The following FGF7 variants were observed in gnomAD, a reference collection of about 807,000 sequenced individuals.
FGF7 encodes FGF-7.
Under a neutral mutation model 20.5 loss-of-function variants are expected in FGF7, and 6 were observed. The ratio of observed to expected loss-of-function variants is 0.29; its 90% CI spans 0.16 to 0.58. FGF7 has a LOEUF of 0.58. FGF7 is among the 20% of genes least tolerant of loss of function. The probability of loss-of-function intolerance (pLI) is 0.90; values close to 1 mark genes in which losing one functional copy is unlikely to be tolerated. For missense variants in FGF7, 144 were observed against 228.8 expected, an observed-to-expected ratio of 0.63 and a Z score of 2.39; for synonymous variants, 64 against 74.7, an observed-to-expected ratio of 0.86 and a Z score of 0.74.
chr15:49,431,228 A>G (rs905954823), intron 2 of FGF7, among the ~76,000 whole-genome samples: 1 of 151,834 alleles, frequency 6.6e-6, no homozygotes, highest in African/African-American at 2.4e-5. Context: ...TAGGTTGTAA[A>G]TGAAAATCCT....
At chr15:49,453,985 T>C (rs1402035060) in intron 2 of FGF7, among the ~76,000 whole-genome samples, 1 of 152,170 alleles carries the variant, frequency 6.6e-6, no homozygotes, top group Non-Finnish European at 1.5e-5. Flanking sequence ...TGATAGAACA[T>C]TTTAATATTC....
chr15:49,451,900 G>A (rs945313430), intron 2 of FGF7, among the ~76,000 whole-genome samples: 1 of 152,086 alleles, frequency 6.6e-6, no homozygotes, highest in Non-Finnish European at 1.5e-5. Flanking sequence ...GGTTCTTCCA[G>A]TAAGTCCAGG....
At chr15:49,462,866 AAAAT>A (rs2053929980) in intron 2 of FGF7, among the ~76,000 whole-genome samples, 1 of 151,568 alleles carries the variant, frequency 6.6e-6, no homozygotes, top group South Asian at 2.1e-4. Flanking sequence ...TATTACATTC[AAAAT>A]AAATAAATAC....
rs59231447 is a variant in FGF7, at chr15:49,446,792, A to C, written c.286+22209A>C. On this transcript the variant is annotated intron_variant, in intron 2 of 3. Coordinates refer to ENST00000267843, the MANE Select transcript of FGF7 (RefSeq NM_002009.4). ...TAAAAAGAGAAGATAGCACAAAACA[A>C]GGATAAATGGGAGAGACAGAATTAA... Among the ~76,000 whole-genome samples, 1,024 of 151,676 alleles carry C rather than the reference A, an allele frequency of 6.8e-3. 12 individuals carry two copies. Among genetic ancestry groups the C allele is most frequent in the African/African-American group, 0.024 (989 of 41,464 alleles).
chr15:49,437,848 A>T (rs2051252085), intron 2 of FGF7, among the ~76,000 whole-genome samples: 1 of 151,662 alleles, frequency 6.6e-6, no homozygotes, highest in Non-Finnish European at 1.5e-5. Context: ...AAGTACTGTG[A>T]AAAAGGTATG....
intron 2 of FGF7, among the ~76,000 whole-genome samples, chr15:49,427,505 G>A (rs1297004302): frequency 6.6e-6 from 1 of 151,852 alleles, no homozygotes; most frequent in East Asian, 1.9e-4. Context: ...ACCTTTCTTT[G>A]GAGGTCTTTT....
intron 2 of FGF7, 166 bp downstream of exon 2, chr15:49,424,749 T>A (rs2049980636): frequency 5.8e-6 from 3 of 521,226 alleles, no homozygotes; most frequent in Non-Finnish European, 9.7e-6. Flanking sequence ...CCTAAAAATA[T>A]CTCTTTTAAC....
intron 2 of FGF7, among the ~76,000 whole-genome samples, chr15:49,436,061 AG>A (rs1207205376): frequency 6.6e-6 from 1 of 151,554 alleles, no homozygotes; most frequent in East Asian, 1.9e-4. Context: ...ATTTCACGGA[AG>A]AAAAAAAAGA....
intron 2 of FGF7, among the ~76,000 whole-genome samples, chr15:49,447,959 A>T (rs1231273787): frequency 1.3e-5 from 2 of 151,752 alleles, no homozygotes; most frequent in Admixed American, 1.3e-4. Context: ...TACTTCTGCA[A>T]CCAGAGAAGA....
At chr15:49,432,699 T>C (rs557462485) in intron 2 of FGF7, among the ~76,000 whole-genome samples, 2 of 151,746 alleles carry the variant, frequency 1.3e-5, no homozygotes, top group East Asian at 3.9e-4. Context: ...CAACTAAGCA[T>C]GTATGCCAAA....
chr15:49,476,232 G>GTTTTTTTTTT lies in FGF7; in HGVS notation c.287-6915_287-6906dup. Among the ~76,000 whole-genome samples the GTTTTTTTTTT allele has an allele frequency of 4.0e-3, 231 of 57,180 alleles. 19 individuals carry two copies. The highest frequency in any genetic ancestry group is 5.6e-3 in the Non-Finnish European group (154 of 27,298). The allele number at this position is 57,180 out of a possible 152,430, so 37.5% of individuals were successfully genotyped here. ...TTGCTGTTTTGTTTTTTTGTTTTTG[G>GTTTTTTTTTT]TTTTTTTTTTTTTGCATTTGGCATA... On this transcript the variant is annotated intron_variant, in intron 2 of 3. Transcript: ENST00000267843.
At chr15:49,449,792 A>AT (rs375388924) in intron 2 of FGF7, among the ~76,000 whole-genome samples, 39 of 79,916 alleles carry the variant, frequency 4.9e-4, no homozygotes, top group African/African-American at 9.5e-4. Context: ...CTTCATCCCA[A>AT]TATCATAGTC....
rs957806262 is a variant in FGF7, at chr15:49,487,763, CAT to C, written c.*3260_*3261del. ...GGAACATTTCTTTTCTCTTAAGACT[CAT>C]GTGATTTTTGCATCTTACTCCATAA... On this transcript the variant is annotated 3_prime_UTR_variant, in exon 4 of 4. Transcript: ENST00000267843. 31 of 151,888 alleles carry C rather than the reference CAT, an allele frequency of 2.0e-4. No homozygotes were observed. Among genetic ancestry groups the C allele is most frequent in the African/African-American group, 7.2e-4 (30 of 41,388 alleles). 9.4% of individuals were successfully genotyped at this position (151,888 alleles called of 1,614,324 possible).
At chr15:49,473,594 G>A (rs914066350) in intron 2 of FGF7, among the ~76,000 whole-genome samples, 4 of 151,922 alleles carry the variant, frequency 2.6e-5, no homozygotes, top group African/African-American at 9.7e-5. Flanking sequence ...CTCACGTTTT[G>A]GAGGGGTATA....
chr15:49,479,340 C>G (rs1465782281), intron 2 of FGF7, among the ~76,000 whole-genome samples: 1 of 151,920 alleles, frequency 6.6e-6, no homozygotes, highest in African/African-American at 2.4e-5. Context: ...TGCTTTAAAT[C>G]TTTGGAAATA....
rs1374887843 is a variant in FGF7 at position 49,484,939 on chromosome 15, C to G, written c.*435C>G. 1.3e-5 allele frequency: 2 copies of G among 152,452 alleles called. No homozygotes were observed. Among genetic ancestry groups the G allele is most frequent in the Non-Finnish European group, 2.9e-5 (2 of 68,150 alleles). 9.4% of individuals were successfully genotyped at this position (152,452 alleles called of 1,614,324 possible). ...GTATATCAGACCTACAGGCTTCTGG[C>G]AGGATTTGTCAGATAATCAAGCCAC... On this transcript the variant is annotated 3_prime_UTR_variant, in exon 4 of 4. Transcript: ENST00000267843.
chr15:49,431,483 C>T (rs2050614315), intron 2 of FGF7, among the ~76,000 whole-genome samples: 1 of 151,704 alleles, frequency 6.6e-6, no homozygotes, highest in Non-Finnish European at 1.5e-5. Flanking sequence ...TTATCCAGTA[C>T]CCATGCCCAA....
chr15:49,426,038 G>C (rs916516630), intron 2 of FGF7, among the ~76,000 whole-genome samples: 1 of 151,178 alleles, frequency 6.6e-6, no homozygotes, highest in African/African-American at 2.4e-5. Context: ...TATTATCATG[G>C]ATAATATATA....
chr15:49,465,068 G>T (rs2054140306), intron 2 of FGF7, among the ~76,000 whole-genome samples: 1 of 151,990 alleles, frequency 6.6e-6, no homozygotes, highest in Non-Finnish European at 1.5e-5. Context: ...TCATAATATG[G>T]ATAAGAACAG....
Sources: allele counts gnomAD v4.1 joint callset (sites outside exome capture counted in the v4.1 genomes callset), GRCh38; gene constraint gnomAD v4.1.1; transcripts MANE v1.5; gene names NCBI Gene and HGNC (gene_info 2026-07-23, HGNC 2026-07-21).